Variants in FAM168A observed in about 807,000 individuals in gnomAD.
FAM168A encodes the protein protein FAM168A.
A neutral mutation model predicts 28.5 loss-of-function variants in FAM168A; 3 were observed. The observed-to-expected ratio is 0.11, with a 90% CI of 0.05 to 0.27. The LOEUF (loss-of-function observed/expected upper bound fraction) is 0.27, where lower values mean the gene tolerates loss of function less well. Ranked by LOEUF, FAM168A falls within the 10% of genes least tolerant of loss-of-function variation. The pLI is 1.00. For missense variants in FAM168A, 222 were observed against 311.5 expected (o/e 0.71, Z 2.16); for synonymous variants, 122 against 124.2 (o/e 0.98, Z 0.12).
At chr11:73,483,928 T>C (rs1463160231) in intron 1 of FAM168A, among the ~76,000 whole-genome samples, 1 of 152,176 alleles carries the variant, frequency 6.6e-6, no homozygotes, top group African/African-American at 2.4e-5. Flanking sequence ...GAATGAAGAT[T>C]GTATGGGGGA....
rs1197654828 is a variant in FAM168A at position 73,558,950 on chromosome 11, A to G, written c.-19+38973T>C. Among the ~76,000 whole-genome samples, 6 of 152,164 alleles carry G rather than the reference A, an allele frequency of 3.9e-5. 1 individual carries two copies. On this transcript the variant is annotated intron_variant, in intron 1 of 7. Coordinates refer to ENST00000356467, the MANE Select transcript of FAM168A (RefSeq NM_015159.3). ...ACCCAGCAATTCCATTCCTAGGTAT[A>G]CACTGAACTAAAACAGGTACTAAAA...
At chr11:73,501,895 AT>A (rs1181649063) in intron 1 of FAM168A, among the ~76,000 whole-genome samples, 2 of 152,102 alleles carry the variant, frequency 1.3e-5, no homozygotes, top group Non-Finnish European at 2.9e-5. Context: ...AGGTCAGGAG[AT>A]CAAGACCATC....
At position 73,553,423 on chromosome 11, in the gene FAM168A, T is replaced by C. The variant is rs118102852; in HGVS notation, c.-19+44500A>G. On this transcript the variant is annotated intron_variant, in intron 1 of 7. Coordinates refer to ENST00000356467, the MANE Select transcript of FAM168A (RefSeq NM_015159.3). Reference sequence around the variant, plus strand: ...TGGGAAAGAAGGAATAAAGACCTGATTTCATCTGGCCTGAGCATAGAGAAA... The same window carrying C: ...TGGGAAAGAAGGAATAAAGACCTGACTTCATCTGGCCTGAGCATAGAGAAA... Among the ~76,000 whole-genome samples the C allele has an allele frequency of 2.6e-5, 4 of 152,272 alleles. No homozygotes were observed. In the East Asian group the frequency reaches 5.8e-4, roughly 22 times the overall value.
intron 1 of FAM168A, among the ~76,000 whole-genome samples, chr11:73,554,345 A>G (rs970217584): frequency 6.6e-6 from 1 of 152,208 alleles, no homozygotes; most frequent in African/African-American, 2.4e-5. Flanking sequence ...ACTGCACTCC[A>G]GCCTAGGTGA....
chr11:73,530,370 G>A (rs972599137), intron 1 of FAM168A, among the ~76,000 whole-genome samples: 4 of 152,182 alleles, frequency 2.6e-5, no homozygotes, highest in South Asian at 2.1e-4. Context: ...GAGGGTGCTG[G>A]AAGGAGAATA....
intron 2 of FAM168A, among the ~76,000 whole-genome samples, chr11:73,436,077 G>A (rs1416774685): frequency 6.6e-6 from 1 of 151,936 alleles, no homozygotes; most frequent in East Asian, 1.9e-4. Flanking sequence ...GGTCAAGAGT[G>A]AAGAGAATAA....
chr11:73,528,822 T>C (rs1943480032), intron 1 of FAM168A, among the ~76,000 whole-genome samples: 1 of 152,124 alleles, frequency 6.6e-6, no homozygotes, highest in Admixed American at 6.5e-5. Context: ...AGTCTTTGTG[T>C]CTGTTGGCCC....
intron 2 of FAM168A, among the ~76,000 whole-genome samples, chr11:73,438,097 T>TTCA (rs753245511): frequency 3.0e-4 from 46 of 152,094 alleles, no homozygotes; most frequent in African/African-American, 5.5e-4. Flanking sequence ...GCATCCAGAT[T>TTCA]TCATCATCAT....
chr11:73,494,911 G>A (rs1420473426), intron 1 of FAM168A, among the ~76,000 whole-genome samples: 1 of 151,960 alleles, frequency 6.6e-6, no homozygotes, highest in Admixed American at 6.6e-5. Flanking sequence ...GCTGAGGCAT[G>A]AGAATCACTT....
chr11:73,580,208 C>T, intron 1 of FAM168A: 1 of 487,602 alleles, frequency 2.1e-6, no homozygotes, highest in South Asian at 1.5e-5. Flanking sequence ...CGCTGCATCC[C>T]ACGCCCAGTG....
chr11:73,545,017 TAGTATATATA>T (rs1943725116), intron 1 of FAM168A, among the ~76,000 whole-genome samples: 1 of 73,050 alleles, frequency 1.4e-5, no homozygotes, highest in Non-Finnish European at 2.3e-5. Flanking sequence ...ACTATATATA[TAGTATATATA>T]ATATATATAT....
intron 1 of FAM168A, among the ~76,000 whole-genome samples, chr11:73,500,247 C>T (rs895646860): frequency 8.0e-5 from 12 of 150,236 alleles, no homozygotes; most frequent in Non-Finnish European, 1.2e-4. Flanking sequence ...AGTTTACAAC[C>T]CAGAATTCCT....
At chr11:73,462,904 A>G (rs146047287) in intron 2 of FAM168A, among the ~76,000 whole-genome samples, 9 of 143,004 alleles carry the variant, frequency 6.3e-5, no homozygotes, top group South Asian at 2.2e-4. Flanking sequence ...AGAGAAGAGA[A>G]GAGAGGAGAG....
At chr11:73,416,776 C>A (rs961573998) in intron 4 of FAM168A, among the ~76,000 whole-genome samples, 1 of 152,112 alleles carries the variant, frequency 6.6e-6, no homozygotes, top group African/African-American at 2.4e-5. Flanking sequence ...AAAACCCCAT[C>A]TCTACAAAAA....
In FAM168A at chr11:73,448,809, A is replaced by G. The variant is rs1267578828; in HGVS notation, c.71-18039T>C. Among the ~76,000 whole-genome samples, 4 of 152,242 alleles carry G rather than the reference A, an allele frequency of 2.6e-5. 1 individual carries two copies. The highest frequency in any genetic ancestry group is 5.9e-5 in the Non-Finnish European group (4 of 68,042). ...AGCAGGAGGAAAAGGCCAAAGAATCATAGAGATATTGGTCTTGTACTCACT... is the reference window on the plus strand; with the variant it reads ...AGCAGGAGGAAAAGGCCAAAGAATCGTAGAGATATTGGTCTTGTACTCACT... On this transcript the variant is annotated intron_variant, in intron 2 of 7. Coordinates refer to ENST00000356467, the MANE Select transcript of FAM168A (RefSeq NM_015159.3).
At chr11:73,553,926 T>C (rs779371287) in intron 1 of FAM168A, among the ~76,000 whole-genome samples, 57 of 151,810 alleles carry the variant, frequency 3.8e-4, no homozygotes, top group Admixed American at 2.5e-3. Flanking sequence ...GAGGCGGAGG[T>C]TGCAGTGAGC....
intron 2 of FAM168A, among the ~76,000 whole-genome samples, chr11:73,458,254 A>C (rs1867576514): frequency 6.6e-6 from 1 of 152,120 alleles, no homozygotes; most frequent in African/African-American, 2.4e-5. Context: ...CAACAGCAAT[A>C]CTTCTTTGTT....
intron 1 of FAM168A, among the ~76,000 whole-genome samples, chr11:73,564,958 A>G (rs1432821763): frequency 6.6e-6 from 1 of 152,122 alleles, no homozygotes; most frequent in Admixed American, 6.5e-5. Flanking sequence ...AGGGTCAGTT[A>G]GCAAATCACC....
At position 73,402,820 on chromosome 11, in the gene FAM168A, G is replaced by C. The variant is rs1370683039; in HGVS notation, c.*3943C>G. The C allele has an allele frequency of 6.6e-6, 1 of 152,240 alleles. No individual in the cohort carries two copies. The highest frequency in any genetic ancestry group is 6.5e-5 in the Admixed American group (1 of 15,278). The allele number at this position is 152,240 out of a possible 1,614,324, so 9.4% of individuals were successfully genotyped here. On this transcript the variant is annotated 3_prime_UTR_variant, in exon 8 of 8. Transcript: ENST00000356467. ...AATTCTCATCCTCCTTGTGCTGCCAGTTAGATGTGCCTCTGGGTCCCTCCC... is the reference window on the plus strand; with the variant it reads ...AATTCTCATCCTCCTTGTGCTGCCACTTAGATGTGCCTCTGGGTCCCTCCC...
Sources: allele counts gnomAD v4.1 joint callset (sites outside exome capture counted in the v4.1 genomes callset), GRCh38; gene constraint gnomAD v4.1.1; transcripts MANE v1.5; gene names NCBI Gene and HGNC (gene_info 2026-07-23, HGNC 2026-07-21).